Variants in SLITRK6 observed in about 807,000 individuals in gnomAD.
The protein encoded by SLITRK6 is SLIT and NTRK-like protein 6.
Under a neutral mutation model 55.6 loss-of-function variants are expected in SLITRK6, and 35 were observed. The ratio of observed to expected loss-of-function variants is 0.63; its 90% CI spans 0.48 to 0.83. SLITRK6 has a LOEUF of 0.83. SLITRK6 is among the 40% of genes least tolerant of loss of function. The pLI is 0.00. For missense variants in SLITRK6, 977 were observed against 986.4 expected (o/e 0.99, Z 0.13); for synonymous variants, 392 against 359.6 (o/e 1.09, Z -1.02).
At position 85,795,137 on chromosome 13, in the gene SLITRK6, T is replaced by C. The variant is rs753695851; in HGVS notation, c.1372A>G (p.Met458Val). The change falls in exon 2 of 2, where the codon ATG (methionine) becomes GTG (valine). Residue 458 changes from methionine to valine, a missense_variant. Met to Val is a conservative substitution (Grantham distance 21, BLOSUM62 1). Coordinates refer to ENST00000647374, the MANE Select transcript of SLITRK6 (RefSeq NM_032229.3). ...KEILPGTFNP[M>V]PKLKVLYLNN... ...AAATACAGGACTTTAAGTTTAGGCA[T>C]TGGATTAAAGGTTCCTGGCAGTATT... The C allele has an allele frequency of 1.9e-6, 3 of 1,612,972 alleles. No individual in the cohort carries two copies. The highest frequency in any genetic ancestry group is 2.5e-6 in the Non-Finnish European group (3 of 1,179,370).
chr13:85,792,971 C>A lies in SLITRK6; in HGVS notation c.*1012G>T, dbSNP rs923310199. 1 of 152,020 alleles carries A rather than the reference C, an allele frequency of 6.6e-6. No individual in the cohort carries two copies. The highest frequency in any genetic ancestry group is 1.5e-5 in the Non-Finnish European group (1 of 67,786). The allele number at this position is 152,020 out of a possible 1,614,324, so 9.4% of individuals were successfully genotyped here. A position where few individuals can be genotyped will look rare whatever the true frequency, so the allele number is the denominator to read the frequency against. ...GTCCCTCTCTTGAGGCAACTTAAAC[C>A]ACTTACCTTTAGAAGTGCCTTTTGC... On this transcript the variant is annotated 3_prime_UTR_variant, in exon 2 of 2. Coordinates refer to ENST00000647374, the MANE Select transcript of SLITRK6 (RefSeq NM_032229.3).
chr13:85,799,023 C>T lies in SLITRK6; in HGVS notation c.-134G>A, dbSNP rs1248643291. 6.6e-6 allele frequency: 1 copy of T among 151,716 alleles called. No individual in the cohort carries two copies. Among genetic ancestry groups the T allele is most frequent in the Non-Finnish European group, 1.5e-5 (1 of 67,926 alleles). The allele number at this position is 151,716 out of a possible 1,614,324, so 9.4% of individuals were successfully genotyped here. The stretch of plus-strand genomic sequence containing the variant: ...AAAAGAAAACACCAACCACTGCGTA[C>T]TTTCTTCTCAAATATCACTTTTTGT... On this transcript the variant is annotated 5_prime_UTR_variant, in exon 1 of 2. Transcript: ENST00000647374.
chr13:85,796,607 A>C, intron 1 of SLITRK6, 75 bp from the exon 2 acceptor site: 3 of 1,239,494 alleles, frequency 2.4e-6, no homozygotes, highest in Non-Finnish European at 3.2e-6. Context: ...TATTTTCAAA[A>C]TAATAGGTTT....
Position 85,798,641 on chromosome 13 carries a change from C to T in SLITRK6, c.-25+273G>A, listed in dbSNP as rs374561861. ...GAAGTGATCCTTCCTTCAGAAAGCACACATATTTAGTTTCTAACAACAAAC... is the reference window on the plus strand; with the variant it reads ...GAAGTGATCCTTCCTTCAGAAAGCATACATATTTAGTTTCTAACAACAAAC... On this transcript the variant is annotated intron_variant, in intron 1 of 1. Transcript: ENST00000647374. Among the ~76,000 whole-genome samples the T allele has an allele frequency of 5.9e-5, 9 of 152,088 alleles. No homozygotes were observed. The East Asian group carries it at 1.4e-3, about 23-fold the overall frequency.
At position 85,794,087 on chromosome 13, in the gene SLITRK6, G is replaced by T; in HGVS notation, c.2422C>A (p.Pro808Thr). The change falls in exon 2 of 2, where the codon CCA (proline) becomes ACA (threonine). Residue 808 changes from proline (P) to threonine (T), a missense_variant. Pro to Thr is a conservative substitution (Grantham distance 38, BLOSUM62 -1). Transcript: ENST00000647374. ...KLMETLMYSRPRKVLVEQTKN... is the reference protein window; with the variant it reads ...KLMETLMYSRTRKVLVEQTKN... ...GTCTGTTCCACTAATACCTTCCTTG[G>T]ACGTGAGTACATTAATGTTTCCATT... The T allele has an allele frequency of 3.7e-6, 6 of 1,612,908 alleles. No homozygotes were observed. The highest frequency in any genetic ancestry group is 5.1e-6 in the Non-Finnish European group (6 of 1,179,320).
At chr13:85,796,791 AT>A (rs1874741284) in intron 1 of SLITRK6, among the ~76,000 whole-genome samples, 1 of 151,494 alleles carries the variant, frequency 6.6e-6, no homozygotes, top group Non-Finnish European at 1.5e-5. Flanking sequence ...AAAATATTAT[AT>A]CATAAAATTT....
rs774883986 is a variant in SLITRK6, at chr13:85,796,324, G to A, written c.185C>T (p.Pro62Leu). 1.9e-6 allele frequency: 3 copies of A among 1,612,182 alleles called. No homozygotes were observed. The highest frequency in any genetic ancestry group is 2.2e-5 in the East Asian group (1 of 44,832). ...GCTTAGTTGGAAAGGTCGTGATGGTGGCACACTTATTTCAGATACCATCTT... is the reference window on the plus strand; with the variant it reads ...GCTTAGTTGGAAAGGTCGTGATGGTAGCACACTTATTTCAGATACCATCTT... The part of the protein sequence containing the change: ...GIKMVSEISV[P>L]PSRPFQLSLL... Residue 62 changes from proline to leucine, a missense_variant, in exon 2 of 2, where the codon CCA becomes CTA. Transcript: ENST00000647374.
rs758027082 is a variant in SLITRK6, at chr13:85,793,646, A to G, written c.*337T>C. On this transcript the variant is annotated 3_prime_UTR_variant, in exon 2 of 2. Transcript: ENST00000647374. The stretch of plus-strand genomic sequence containing the variant: ...TTGTAATTAATCTATAGGGAAAGCA[A>G]TTCAAGAAAATTCGGGATACTTAAA... 9.9e-6 allele frequency: 2 copies of G among 201,126 alleles called. No homozygotes were observed. The highest frequency in any genetic ancestry group is 3.9e-3 in the Middle Eastern group (2 of 510). The allele number at this position is 201,126 out of a possible 1,614,324, so 12.5% of individuals were successfully genotyped here.
In SLITRK6 at chr13:85,793,850, C is replaced by T; in HGVS notation, c.*133G>A. The T allele has an allele frequency of 9.7e-7, 1 of 1,026,084 alleles. No individual in the cohort carries two copies. The highest frequency in any genetic ancestry group is 1.3e-6 in the Non-Finnish European group (1 of 749,598). The allele number at this position is 1,026,084 out of a possible 1,614,324, so 63.6% of individuals were successfully genotyped here. On this transcript the variant is annotated 3_prime_UTR_variant, in exon 2 of 2. Coordinates refer to ENST00000647374, the MANE Select transcript of SLITRK6 (RefSeq NM_032229.3). Reference sequence around the variant, plus strand: ...GATCCCTGAGTTTCTTTTTCTTCTTCTTTTTTTTTCCCCATAGTTTACTGC... The same window carrying T: ...GATCCCTGAGTTTCTTTTTCTTCTTTTTTTTTTTTCCCCATAGTTTACTGC...
At chr13:85,797,151 C>CTATATATATATATATATATA (rs10694306) in intron 1 of SLITRK6, among the ~76,000 whole-genome samples, 14 of 145,172 alleles carry the variant, frequency 9.6e-5, no homozygotes, top group African/African-American at 3.0e-4. Flanking sequence ...TCGGTTTTGG[C>CTATATATATATATATATATA]TATATATATA....
rs1174772442 is a variant in SLITRK6, at chr13:85,799,244, G to A, written c.-355C>T. ...TATAGTTAACCATTTGCAAGCTGCT[G>A]AATGCAGTAAGTAAACAAGATGTTT... On this transcript the variant is annotated 5_prime_UTR_variant, in exon 1 of 2. Transcript: ENST00000647374. 2 of 151,984 alleles carry A rather than the reference G, an allele frequency of 1.3e-5. No homozygotes were observed. Among genetic ancestry groups the A allele is most frequent in the Non-Finnish European group, 2.9e-5 (2 of 68,006 alleles). The allele number at this position is 151,984 out of a possible 1,614,324, so 9.4% of individuals were successfully genotyped here.
At position 85,793,066 on chromosome 13, in the gene SLITRK6, T is replaced by C. The variant is rs1453254279; in HGVS notation, c.*917A>G. On this transcript the variant is annotated 3_prime_UTR_variant, in exon 2 of 2. Coordinates refer to ENST00000647374, the MANE Select transcript of SLITRK6 (RefSeq NM_032229.3). ...TAATTTTTCCTATTTACTTTACAAC[T>C]GTGAATTACTTGCCACAAGAAATGT... The C allele has an allele frequency of 1.3e-5, 2 of 152,274 alleles. No homozygotes were observed. Among genetic ancestry groups the C allele is most frequent in the Non-Finnish European group, 2.9e-5 (2 of 67,862 alleles). The allele number at this position is 152,274 out of a possible 1,614,324, so 9.4% of individuals were successfully genotyped here.
Position 85,796,488 on chromosome 13 carries a change from G to C in SLITRK6, c.21C>G (p.Leu7=). 1 of 1,553,000 alleles carries C rather than the reference G, an allele frequency of 6.4e-7. No individual in the cohort carries two copies. The highest frequency in any genetic ancestry group is 8.7e-7 in the Non-Finnish European group (1 of 1,155,514). MKLWIH[L]FYSSLLACIS... ...TACAGGCAAGGAGAGATGAATAAAAGAGATGAATCCACAGCTTCATGTTGT... is the reference window on the plus strand; with the variant it reads ...TACAGGCAAGGAGAGATGAATAAAACAGATGAATCCACAGCTTCATGTTGT... The change falls in exon 2 of 2, where the codon CTC becomes CTG. Residue 7 remains leucine, a synonymous_variant. Transcript: ENST00000647374.
In SLITRK6 at chr13:85,796,352, T is replaced by C. The variant is rs773552484; in HGVS notation, c.157A>G (p.Ile53Val). The C allele has an allele frequency of 4.3e-6, 7 of 1,612,600 alleles. No individual in the cohort carries two copies. The highest frequency in any genetic ancestry group is 1.7e-4 in the Middle Eastern group (1 of 6,048). Reference protein sequence around the residue: ...TMLINCEAKGIKMVSEISVPP... With the variant: ...TMLINCEAKGVKMVSEISVPP... ...ACACTTATTTCAGATACCATCTTGA[T>C]ACCTTTTGCTTCACAATTTATTAGC... The change falls in exon 2 of 2, where the codon ATC becomes GTC. Residue 53 changes from isoleucine to valine, a missense_variant. Transcript: ENST00000647374.
intron 1 of SLITRK6, among the ~76,000 whole-genome samples, chr13:85,797,701 G>A (rs574085709): frequency 5.9e-5 from 9 of 151,810 alleles, no homozygotes; most frequent in Non-Finnish European, 7.4e-5. Flanking sequence ...ATAACATCAC[G>A]TATTCTAATC....
At position 85,794,869 on chromosome 13, in the gene SLITRK6, G is replaced by T; in HGVS notation, c.1640C>A (p.Thr547Asn). ...CTTTTTGTCGAGATGCCCGGGGGAAGTGCAGAGGATGTCATCTGTCACTGT... is the reference window on the plus strand; with the variant it reads ...CTTTTTGTCGAGATGCCCGGGGGAATTGCAGAGGATGTCATCTGTCACTGT... ...KNTVTDDILC[T>N]SPGHLDKKEL... Residue 547 changes from threonine to asparagine, a missense_variant, in exon 2 of 2, where the codon ACT becomes AAT. By Grantham distance (65) the Thr-to-Asn change is moderately conservative. Coordinates refer to ENST00000647374, the MANE Select transcript of SLITRK6 (RefSeq NM_032229.3). 1 of 1,613,144 alleles carries T rather than the reference G, an allele frequency of 6.2e-7. No individual in the cohort carries two copies. Among genetic ancestry groups the T allele is most frequent in the East Asian group, 2.2e-5 (1 of 44,824 alleles).
chr13:85,794,001 G>T lies in SLITRK6; in HGVS notation c.2508C>A (p.Val836=). 1 of 1,601,920 alleles carries T rather than the reference G, an allele frequency of 6.2e-7. No homozygotes were observed. The highest frequency in any genetic ancestry group is 8.5e-7 in the Non-Finnish European group (1 of 1,174,570). ...NLHAEPDYLE[V]LEQQT is the part of the protein sequence containing the mutation. The stretch of plus-strand genomic sequence containing the variant: ...TCTCCATCTATGTTTGCTGCTCCAG[G>T]ACTTCTAAATAGTCAGGTTCAGCAT... The change falls in exon 2 of 2, where the codon GTC becomes GTA. Residue 836 remains valine, a synonymous_variant. Coordinates refer to ENST00000647374, the MANE Select transcript of SLITRK6 (RefSeq NM_032229.3).
At position 85,796,550 on chromosome 13, in the gene SLITRK6, A is replaced by G. The variant is rs745943086; in HGVS notation, c.-24-18T>C. On this transcript the variant is annotated intron_variant, in intron 1 of 1. Transcript: ENST00000647374. ...ATCCGATTCTGTAAAATAAAACGCA[A>G]TAGCAAGGGACTTTAGTGGGCAGAA... 6.7e-7 allele frequency: 1 copy of G among 1,487,350 alleles called. No individual in the cohort carries two copies. Among genetic ancestry groups the G allele is most frequent in the Non-Finnish European group, 8.9e-7 (1 of 1,122,174 alleles). 92.1% of individuals were successfully genotyped at this position (1,487,350 alleles called of 1,614,324 possible).
chr13:85,796,429 G>C lies in SLITRK6; in HGVS notation c.80C>G (p.Ser27Cys). 1 of 1,610,866 alleles carries C rather than the reference G, an allele frequency of 6.2e-7. No individual in the cohort carries two copies. The highest frequency in any genetic ancestry group is 8.5e-7 in the Non-Finnish European group (1 of 1,178,604). Residue 27 changes from serine (S) to cysteine (C), a missense_variant, in exon 2 of 2, where the codon TCC (serine) becomes TGC (cysteine). By Grantham distance (112) the Ser-to-Cys change is moderately radical (BLOSUM62 -1). Coordinates refer to ENST00000647374, the MANE Select transcript of SLITRK6 (RefSeq NM_032229.3). Reference protein sequence around the residue: ...SLHSQTPVLSSRGSCDSLCNC... With the variant: ...SLHSQTPVLSCRGSCDSLCNC... ...GCAAAGAGAATCACAAGAGCCTCTGGATGAGAGCACTGGAGTTTGGGAGTG... is the reference window on the plus strand; with the variant it reads ...GCAAAGAGAATCACAAGAGCCTCTGCATGAGAGCACTGGAGTTTGGGAGTG...
Sources: gnomAD v4.1 joint callset for allele counts (sites outside exome capture counted in the v4.1 genomes callset) on GRCh38, gnomAD v4.1.1 for gene constraint, MANE v1.5 for transcripts, NCBI Gene and HGNC (gene_info 2026-07-23, HGNC 2026-07-21) for gene names.